The following TMPRSS15 variants were observed in gnomAD, a reference collection of about 807,000 sequenced individuals.
TMPRSS15 encodes enteropeptidase.
Under a neutral mutation model 125.3 loss-of-function variants are expected in TMPRSS15, and 128 were observed. That is an observed-to-expected ratio of 1.02 (90% CI 0.89 to 1.18). The LOEUF (loss-of-function observed/expected upper bound fraction) is 1.18. Ranked by LOEUF, TMPRSS15 falls within the 50% of genes most tolerant of loss-of-function variation. The probability of loss-of-function intolerance (pLI) is 0.00; values close to 1 mark genes in which losing one functional copy is unlikely to be tolerated. For synonymous variants in TMPRSS15, 446 were observed against 423.2 expected, an observed-to-expected ratio of 1.05 and a Z score of -0.66; for missense variants, 1,283 against 1,212.7, an observed-to-expected ratio of 1.06 and a Z score of -0.86.
At chr21:18,415,111 C>T (rs1246598587) in intron 1 of TMPRSS15, among the ~76,000 whole-genome samples, 1 of 151,942 alleles carries the variant, frequency 6.6e-6, no homozygotes, top group Non-Finnish European at 1.5e-5. Flanking sequence ...GATGATTAGA[C>T]ATTTTGAGCA....
intron 4 of TMPRSS15, among the ~76,000 whole-genome samples, 187 bp downstream of exon 4, chr21:18,383,440 T>C (rs999047434): frequency 6.6e-6 from 1 of 152,204 alleles, no homozygotes; most frequent in African/African-American, 2.4e-5. Context: ...TATAAACTTT[T>C]TCTCATTGAT....
chr21:18,374,289 A>C (rs893893686), intron 5 of TMPRSS15, among the ~76,000 whole-genome samples: 11 of 150,618 alleles, frequency 7.3e-5, no homozygotes, highest in East Asian at 2.0e-4. Context: ...CTGGCTAACA[A>C]GGTGAAACCC....
At chr21:18,452,662 A>G (rs747434274) in intron 1 of TMPRSS15, among the ~76,000 whole-genome samples, 4 of 152,180 alleles carry the variant, frequency 2.6e-5, no homozygotes, top group Non-Finnish European at 5.9e-5. Context: ...AGAAAAACAA[A>G]GAGATTCAAT....
At chr21:18,270,173 CG>C in intron 24 of TMPRSS15, 49 bp from the exon 25 acceptor site, 1 of 1,472,116 alleles carries the variant, frequency 6.8e-7, no homozygotes, top group Non-Finnish European at 9.5e-7. Flanking sequence ...GTCAATTGAT[CG>C]AAACATATAA....
chr21:18,434,893 G>T (rs1451161566), intron 1 of TMPRSS15, among the ~76,000 whole-genome samples: 1 of 152,024 alleles, frequency 6.6e-6, no homozygotes. Flanking sequence ...TGGACAAATT[G>T]AGTCTTTCAT....
chr21:18,353,651 G>A, intron 9 of TMPRSS15, 72 bp downstream of exon 9: 2 of 1,416,614 alleles, frequency 1.4e-6, no homozygotes, highest in South Asian at 1.2e-5. Context: ...TTTAGATTCT[G>A]CTACCTTTAA....
At chr21:18,467,650 A>G (rs1978694510) in intron 1 of TMPRSS15, among the ~76,000 whole-genome samples, 1 of 152,110 alleles carries the variant, frequency 6.6e-6, no homozygotes, top group Admixed American at 6.6e-5. Context: ...ATAAAGTAGA[A>G]TTCCTAAATC....
At chr21:18,319,790 G>C (rs1400494901) in intron 16 of TMPRSS15, among the ~76,000 whole-genome samples, 1 of 152,150 alleles carries the variant, frequency 6.6e-6, no homozygotes, top group Non-Finnish European at 1.5e-5. Context: ...TTCTCCCTAC[G>C]AATAACAAAA....
chr21:18,372,026 T>C (rs1340012562), intron 6 of TMPRSS15, among the ~76,000 whole-genome samples, 167 bp downstream of exon 6: 1 of 151,848 alleles, frequency 6.6e-6, no homozygotes, highest in Non-Finnish European at 1.5e-5. Flanking sequence ...TATTTTAAGA[T>C]TTTGTATTAT....
At chr21:18,321,186 A>G (rs1438674312) in intron 16 of TMPRSS15, among the ~76,000 whole-genome samples, 1 of 152,128 alleles carries the variant, frequency 6.6e-6, no homozygotes, top group African/African-American at 2.4e-5. Flanking sequence ...TCTATATTAC[A>G]TATACTTTAT....
At chr21:18,277,111 C>G (rs990088931) in intron 23 of TMPRSS15, among the ~76,000 whole-genome samples, 1 of 152,002 alleles carries the variant, frequency 6.6e-6, no homozygotes, top group Non-Finnish European at 1.5e-5. Flanking sequence ...AGTCATAAAG[C>G]AAAGTTCATA....
In TMPRSS15 at chr21:18,472,262, GAAGT is replaced by G. The variant is rs1202575807; in HGVS notation, c.10+13533_10+13536del. 5.9e-5 allele frequency among the ~76,000 whole-genome samples: 9 copies of G among 152,002 alleles called. 1 individual carries two copies. The highest frequency in any genetic ancestry group is 1.9e-4 in the African/African-American group (8 of 41,490). ...TCTATGAGAAAAGAGGCTGGAGGTA[GAAGT>G]AATAAATAAGTCTCATAGTGTGCAT... is the stretch of plus-strand genomic sequence containing the variant. On this transcript the variant is annotated intron_variant, in intron 1 of 7. Coordinates refer to the TMPRSS15 transcript ENST00000422787.
At chr21:18,384,225 T>C (rs184353441) in intron 3 of TMPRSS15, among the ~76,000 whole-genome samples, 1 of 152,314 alleles carries the variant, frequency 6.6e-6, no homozygotes, top group Non-Finnish European at 1.5e-5. Context: ...AAAATTTTTC[T>C]ACATAGTTTT....
chr21:18,314,424 A>G lies in TMPRSS15; in HGVS notation c.2032+722T>C, dbSNP rs535383729. ...CTCCGGAGTAGCTGGGATTACAGGC[A>G]CCCACCACCACGCCTGGCAAATTTC... is the stretch of plus-strand genomic sequence containing the variant. On this transcript the variant is annotated intron_variant, in intron 17 of 24. Coordinates refer to ENST00000284885, the MANE Select transcript of TMPRSS15 (RefSeq NM_002772.3). Among the ~76,000 whole-genome samples the G allele has an allele frequency of 5.3e-5, 8 of 152,172 alleles. No individual in the cohort carries two copies. In the South Asian group the frequency reaches 8.3e-4, roughly 16 times the overall value.
At chr21:18,347,161 A>G (rs1241355530) in intron 10 of TMPRSS15, among the ~76,000 whole-genome samples, 1 of 151,596 alleles carries the variant, frequency 6.6e-6, no homozygotes, top group African/African-American at 2.4e-5. Context: ...CCTCCCAATT[A>G]AAAGTAACCA....
intron 4 of TMPRSS15, 27 bp from the exon 5 acceptor site, chr21:18,379,345 TTA>T: frequency 8.9e-7 from 1 of 1,118,174 alleles, no homozygotes; most frequent in Non-Finnish European, 1.2e-6. Flanking sequence ...ATTAAAATAA[TTA>T]TTACCTATTT....
chr21:18,348,198 GC>G (rs1434969110), intron 10 of TMPRSS15, among the ~76,000 whole-genome samples: 4 of 151,466 alleles, frequency 2.6e-5, no homozygotes, highest in Admixed American at 1.3e-4. Flanking sequence ...AAATAAATAA[GC>G]CCCAGAAAAT....
At chr21:18,287,343 T>A (rs544416085) in intron 21 of TMPRSS15, among the ~76,000 whole-genome samples, 1 of 152,274 alleles carries the variant, frequency 6.6e-6, no homozygotes, top group South Asian at 2.1e-4. Context: ...GAGTTGCGTA[T>A]CAATCCACAT....
At chr21:18,446,524 G>A (rs1460851627) in intron 1 of TMPRSS15, among the ~76,000 whole-genome samples, 1 of 152,068 alleles carries the variant, frequency 6.6e-6, no homozygotes. Flanking sequence ...AAAGCTAGAA[G>A]CAACATACTA....
Sources: allele counts gnomAD v4.1 joint callset (sites outside exome capture counted in the v4.1 genomes callset), GRCh38; gene constraint gnomAD v4.1.1; transcripts MANE v1.5; gene names NCBI Gene and HGNC (gene_info 2026-07-23, HGNC 2026-07-21).